PPP6R3: variants seen among roughly 807,000 people sequenced by gnomAD.
The protein encoded by PPP6R3 is protein phosphatase 6 regulatory subunit 3.
Under a neutral mutation model 110.7 loss-of-function variants are expected in PPP6R3, and 38 were observed. The ratio of observed to expected loss-of-function variants is 0.34; its 90% confidence interval spans 0.26 to 0.45. The LOEUF (loss-of-function observed/expected upper bound fraction) is 0.45. Ranked by LOEUF, PPP6R3 falls within the 20% of genes least tolerant of loss-of-function variation. The pLI, the probability that PPP6R3 is intolerant of heterozygous loss-of-function variation, is 1.00. For missense variants in PPP6R3, 870 were observed against 1,062.4 expected, an observed-to-expected ratio of 0.82 and a Z score of 2.52; for synonymous variants, 369 against 373.5, an observed-to-expected ratio of 0.99 and a Z score of 0.14.
At chr11:68,461,074 C>T (rs2098701413) in intron 1 of PPP6R3, among the ~76,000 whole-genome samples, 1 of 151,426 alleles carries the variant, frequency 6.6e-6, no homozygotes, top group South Asian at 2.1e-4. Context: ...GGGAGCGGGA[C>T]GCGGTCGGGG....
intron 1 of PPP6R3, among the ~76,000 whole-genome samples, chr11:68,494,408 C>CAAAAA (rs35190764): frequency 3.3e-5 from 2 of 60,394 alleles, no homozygotes; most frequent in African/African-American, 6.6e-5. Context: ...CCTGTAATCT[C>CAAAAA]AAAAAAAAAA....
intron 1 of PPP6R3, among the ~76,000 whole-genome samples, chr11:68,484,649 A>G (rs2098935247): frequency 6.6e-6 from 1 of 151,906 alleles, no homozygotes; most frequent in South Asian, 2.1e-4. Flanking sequence ...GTGTAATGGC[A>G]CAGTCTTGGC....
rs1289134044 is a variant in PPP6R3 at position 68,548,319 on chromosome 11, GTC to G, written c.552+117_552+118del. On this transcript the variant is annotated intron_variant, in intron 5 of 23. Transcript: ENST00000393800. ...GGATTAGGGTTGGTAGCAGAGGGTT[GTC>G]TGGGGAGCCGGTAACAGGGTGGGGA... 23 of 1,357,886 alleles carry G rather than the reference GTC, an allele frequency of 1.7e-5. No homozygotes were observed. The African/African-American group carries it at 3.4e-4, about 20-fold the overall frequency. The allele number at this position is 1,357,886 out of a possible 1,614,324, so 84.1% of individuals were successfully genotyped here.
chr11:68,574,980 G>T (rs1406650222), intron 13 of PPP6R3, among the ~76,000 whole-genome samples: 1 of 152,216 alleles, frequency 6.6e-6, no homozygotes, highest in Non-Finnish European at 1.5e-5. Context: ...TTGTTCAAGA[G>T]GCTATTCCCT....
At chr11:68,470,454 G>A (rs1303783913) in intron 1 of PPP6R3, among the ~76,000 whole-genome samples, 1 of 152,124 alleles carries the variant, frequency 6.6e-6, no homozygotes, top group South Asian at 2.1e-4. Context: ...AGTGGGAGGA[G>A]GGTAGGCCAG....
At chr11:68,525,174 G>GT (rs922334780) in intron 2 of PPP6R3, among the ~76,000 whole-genome samples, 7 of 152,150 alleles carry the variant, frequency 4.6e-5, no homozygotes, top group Non-Finnish European at 7.3e-5. Context: ...CAGAATTTTA[G>GT]TTTTTTTCCA....
At chr11:68,584,954 ATTAG>A (rs1284369842) in intron 15 of PPP6R3, among the ~76,000 whole-genome samples, 2 of 152,250 alleles carry the variant, frequency 1.3e-5, no homozygotes, top group African/African-American at 4.8e-5. Context: ...TGGTTAATTT[ATTAG>A]AGTTTCATCA....
intron 10 of PPP6R3, among the ~76,000 whole-genome samples, chr11:68,568,992 C>T (rs1045760161): frequency 3.9e-5 from 6 of 152,124 alleles, no homozygotes; most frequent in South Asian, 4.2e-4. Context: ...GATCTCCTGA[C>T]CTCGTGATCC....
At chr11:68,496,279 G>C (rs2099015339) in intron 1 of PPP6R3, among the ~76,000 whole-genome samples, 1 of 151,504 alleles carries the variant, frequency 6.6e-6, no homozygotes, top group Non-Finnish European at 1.5e-5. Context: ...TCTCGCCTTG[G>C]CTTCCCAAAG....
intron 1 of PPP6R3, among the ~76,000 whole-genome samples, chr11:68,484,305 G>C (rs1379198465): frequency 6.6e-6 from 1 of 152,150 alleles, no homozygotes; most frequent in Non-Finnish European, 1.5e-5. Context: ...CACAGTGGCT[G>C]TACCATTTTA....
intron 15 of PPP6R3, among the ~76,000 whole-genome samples, chr11:68,584,863 G>A (rs994380047): frequency 6.6e-6 from 1 of 152,134 alleles, no homozygotes; most frequent in Non-Finnish European, 1.5e-5. Context: ...TTCTTTGCAT[G>A]TTTAAACCAA....
chr11:68,561,690 T>C (rs1433507992), intron 8 of PPP6R3, among the ~76,000 whole-genome samples: 4 of 152,224 alleles, frequency 2.6e-5, no homozygotes, highest in Admixed American at 2.6e-4. Flanking sequence ...TTTTGTTAAA[T>C]TCCTTTATGA....
At chr11:68,539,765 A>T (rs749290242) in intron 3 of PPP6R3, among the ~76,000 whole-genome samples, 1 of 152,222 alleles carries the variant, frequency 6.6e-6, no homozygotes, top group Non-Finnish European at 1.5e-5. Context: ...AAGTCCCCCA[A>T]TAATTTTTCA....
At chr11:68,557,891 C>T (rs1419663988) in intron 7 of PPP6R3, among the ~76,000 whole-genome samples, 1 of 152,182 alleles carries the variant, frequency 6.6e-6, no homozygotes, top group African/African-American at 2.4e-5. Context: ...TGAGAATGTT[C>T]ATATAAATTC....
At chr11:68,538,497 A>T (rs939269444) in intron 3 of PPP6R3, among the ~76,000 whole-genome samples, 1 of 152,146 alleles carries the variant, frequency 6.6e-6, no homozygotes, top group Non-Finnish European at 1.5e-5. Context: ...TCCATATCCA[A>T]CTCTATTGAA....
intron 1 of PPP6R3, among the ~76,000 whole-genome samples, chr11:68,479,667 T>G (rs2098887479): frequency 6.6e-6 from 1 of 152,182 alleles, no homozygotes; most frequent in Admixed American, 6.5e-5. Context: ...TTTTTTCTCC[T>G]TGTTCTTCAA....
Position 68,600,219 on chromosome 11 carries a change from T to C in PPP6R3, c.2039-122T>C, listed in dbSNP as rs558131062. ...TGTGCCCTGTCCGCTCCTGCCCTCA[T>C]TGGTGAGAGTGTCTTTCTCCCACAG... is the stretch of plus-strand genomic sequence containing the variant. On this transcript the variant is annotated intron_variant, in intron 19 of 23. Transcript: ENST00000393800. 237 of 1,124,798 alleles carry C rather than the reference T, an allele frequency of 2.1e-4. 1 individual carries two copies. The highest frequency in any genetic ancestry group is 7.9e-4 in the Middle Eastern group (4 of 5,038). The allele number at this position is 1,124,798 out of a possible 1,614,324, so 69.7% of individuals were successfully genotyped here.
At chr11:68,606,484 T>C (rs1940028608) in intron 22 of PPP6R3, among the ~76,000 whole-genome samples, 1 of 151,142 alleles carries the variant, frequency 6.6e-6, no homozygotes, top group Non-Finnish European at 1.5e-5. Flanking sequence ...TGTAGTTTTT[T>C]TTTTTTTTTT....
intron 17 of PPP6R3, 39 bp from the exon 18 acceptor site, chr11:68,591,537 A>G (rs1281457590): frequency 1.3e-6 from 2 of 1,535,072 alleles, no homozygotes; most frequent in Non-Finnish European, 1.8e-6. Flanking sequence ...CTTGACTTTA[A>G]ATTTATTTTG....
Sources: gnomAD v4.1 joint callset for allele counts (sites outside exome capture counted in the v4.1 genomes callset) on GRCh38, gnomAD v4.1.1 for gene constraint, MANE v1.5 for transcripts, NCBI Gene and HGNC (gene_info 2026-07-23, HGNC 2026-07-21) for gene names.